BTBD9: variants seen among roughly 807,000 people sequenced by gnomAD.
BTBD9 encodes the protein BTB/POZ domain-containing protein 9.
BTBD9 carries 49 observed loss-of-function variants against 64.3 expected under a neutral mutation model. The ratio of observed to expected loss-of-function variants is 0.76; its 90% CI spans 0.61 to 0.97. The LOEUF (loss-of-function observed/expected upper bound fraction) is 0.97. Among genes scored for constraint, BTBD9 ranks in the 50% least tolerant of loss-of-function variants. The pLI, the probability that BTBD9 is intolerant of heterozygous loss-of-function variation, is 0.00. For synonymous variants in BTBD9, 260 were observed against 274.7 expected (o/e 0.95, Z 0.53); for missense variants, 598 against 762.1 (o/e 0.78, Z 2.53).
At chr6:38,189,678 T>C (rs993064136) in intron 10 of BTBD9, among the ~76,000 whole-genome samples, 93 of 152,092 alleles carry the variant, frequency 6.1e-4, no homozygotes, top group Admixed American at 1.8e-3. Flanking sequence ...TCTTTCTTTT[T>C]TTTTTTTCTT....
intron 9 of BTBD9, among the ~76,000 whole-genome samples, chr6:38,217,961 C>G (rs745776002): frequency 6.6e-6 from 1 of 152,168 alleles, no homozygotes; most frequent in East Asian, 1.9e-4. Flanking sequence ...GCAGGACCAA[C>G]TGACCCTCCC....
At chr6:38,341,008 A>T (rs1764075511) in intron 7 of BTBD9, among the ~76,000 whole-genome samples, 1 of 152,250 alleles carries the variant, frequency 6.6e-6, no homozygotes, top group South Asian at 2.1e-4. Flanking sequence ...AATGGCCAAA[A>T]TCCAGACTGG....
chr6:38,384,223 T>C (rs567366005), intron 6 of BTBD9, among the ~76,000 whole-genome samples: 1 of 152,224 alleles, frequency 6.6e-6, no homozygotes, highest in Non-Finnish European at 1.5e-5. Context: ...CTTGTGATAC[T>C]GTGAATTAGG....
At chr6:38,436,063 G>T (rs1283956004) in intron 6 of BTBD9, among the ~76,000 whole-genome samples, 3 of 151,896 alleles carry the variant, frequency 2.0e-5, no homozygotes, top group Non-Finnish European at 4.4e-5. Flanking sequence ...ATCATGAAAT[G>T]TCATAAATTC....
intron 2 of BTBD9, chr6:38,596,177 T>C (rs145806536): frequency 7.8e-5 from 39 of 498,100 alleles, no homozygotes; most frequent in African/African-American, 6.1e-4. Context: ...TAAGGTAGCA[T>C]TGAGCTTAGC....
At chr6:38,384,304 T>C (rs1367364750) in intron 6 of BTBD9, among the ~76,000 whole-genome samples, 5 of 152,210 alleles carry the variant, frequency 3.3e-5, no homozygotes. Flanking sequence ...CAAATATGCT[T>C]GATTCTCTAG....
chr6:38,583,128 A>C (rs1272981396), intron 4 of BTBD9, among the ~76,000 whole-genome samples: 2 of 152,238 alleles, frequency 1.3e-5, no homozygotes, highest in East Asian at 3.8e-4. Flanking sequence ...CTTACTAGGC[A>C]TAAAAAGTGG....
intron 8 of BTBD9, among the ~76,000 whole-genome samples, chr6:38,275,856 T>A (rs1173440369): frequency 6.6e-6 from 1 of 151,976 alleles, no homozygotes; most frequent in East Asian, 1.9e-4. Flanking sequence ...CAACAGGTGC[T>A]GGAGAGGATG....
At chr6:38,577,558 T>C (rs1414869162) in intron 6 of BTBD9, 42 bp downstream of exon 6, 1 of 1,567,024 alleles carries the variant, frequency 6.4e-7, no homozygotes, top group Non-Finnish European at 8.6e-7. Context: ...CAAATCTCCT[T>C]ATATAAGAAT....
chr6:38,369,512 C>A (rs1765331715), intron 6 of BTBD9, among the ~76,000 whole-genome samples: 1 of 152,212 alleles, frequency 6.6e-6, no homozygotes, highest in Non-Finnish European at 1.5e-5. Flanking sequence ...ACACTCCCAC[C>A]ACTTCCTCTG....
chr6:38,366,059 A>G (rs1370397743), intron 6 of BTBD9, among the ~76,000 whole-genome samples: 2 of 152,212 alleles, frequency 1.3e-5, no homozygotes, highest in Non-Finnish European at 2.9e-5. Flanking sequence ...TCCTAAAGGT[A>G]TCTAGTTCTC....
intron 6 of BTBD9, among the ~76,000 whole-genome samples, chr6:38,520,519 G>T (rs574835717): frequency 7.9e-5 from 12 of 152,122 alleles, no homozygotes; most frequent in Admixed American, 7.2e-4. Flanking sequence ...GTTATCTCTG[G>T]GTTTAGGATG....
chr6:38,508,228 A>G (rs1054291872), intron 6 of BTBD9, among the ~76,000 whole-genome samples: 6 of 152,046 alleles, frequency 3.9e-5, no homozygotes, highest in Non-Finnish European at 8.8e-5. Context: ...TCTTTTTGCC[A>G]CTACCAACTC....
chr6:38,448,675 G>A (rs1769381448), intron 6 of BTBD9, among the ~76,000 whole-genome samples: 1 of 152,196 alleles, frequency 6.6e-6, no homozygotes, highest in Admixed American at 6.5e-5. Flanking sequence ...GTGCAACCAT[G>A]CCTGGCTAAT....
At chr6:38,218,401 T>C (rs1051163374) in intron 9 of BTBD9, among the ~76,000 whole-genome samples, 27 of 152,176 alleles carry the variant, frequency 1.8e-4, no homozygotes, top group African/African-American at 5.8e-4. Flanking sequence ...CCAACCCTCT[T>C]TGTGCTGCAG....
At chr6:38,316,817 T>C (rs2127573785) in intron 7 of BTBD9, among the ~76,000 whole-genome samples, 1 of 152,338 alleles carries the variant, frequency 6.6e-6, no homozygotes, top group East Asian at 1.9e-4. Flanking sequence ...TTATTGCTCA[T>C]TAACAACCTT....
chr6:38,406,033 T>C (rs1223919943), intron 6 of BTBD9, among the ~76,000 whole-genome samples: 7 of 152,126 alleles, frequency 4.6e-5, no homozygotes, highest in Non-Finnish European at 1.5e-5. Flanking sequence ...GAGACATGTA[T>C]TGGTAAGCTA....
intron 8 of BTBD9, among the ~76,000 whole-genome samples, chr6:38,274,269 G>C (rs1765297895): frequency 6.6e-6 from 1 of 152,168 alleles, no homozygotes; most frequent in African/African-American, 2.4e-5. Flanking sequence ...TCAGCTTAAG[G>C]AGATTTTGGG....
intron 6 of BTBD9, among the ~76,000 whole-genome samples, chr6:38,395,027 CAT>C (rs1392966547): frequency 6.6e-6 from 1 of 151,714 alleles, no homozygotes; most frequent in African/African-American, 2.4e-5. Context: ...CCCCAAAGTT[CAT>C]ATGTTGAAAT....
Sources: allele counts gnomAD v4.1 joint callset (sites outside exome capture counted in the v4.1 genomes callset), GRCh38; gene constraint gnomAD v4.1.1; transcripts MANE v1.5; gene names NCBI Gene and HGNC (gene_info 2026-07-23, HGNC 2026-07-21).